GRIA4: variants seen among roughly 807,000 people sequenced by gnomAD.
The protein encoded by GRIA4 is glutamate ionotropic receptor AMPA type subunit 4, also known as glutamate receptor 4.
Under a neutral mutation model 104.0 loss-of-function variants are expected in GRIA4, and 34 were observed. That is an observed-to-expected ratio of 0.33 (90% CI 0.25 to 0.44). The LOEUF (loss-of-function observed/expected upper bound fraction) is 0.44. GRIA4 is among the 20% of genes least tolerant of loss of function. GRIA4 has a pLI of 1.00. For synonymous variants in GRIA4, 386 were observed against 381.9 expected (o/e 1.01, Z -0.13); for missense variants, 750 against 1,096.5 (o/e 0.68, Z 4.46).
intron 3 of GRIA4, among the ~76,000 whole-genome samples, chr11:105,704,682 T>A (rs935634323): frequency 6.6e-6 from 1 of 152,006 alleles, no homozygotes; most frequent in Non-Finnish European, 1.5e-5. Flanking sequence ...AACACAAAAA[T>A]TAAACATTCT....
rs369270508 is a variant in GRIA4, at chr11:105,920,775, C to G, written c.1476+1857C>G. Reference sequence around the variant, plus strand: ...ATTATATTCATATTCATTCCTCAGCCAGTCTGCAAGTGGTTAAAGACTCCA... The same window carrying G: ...ATTATATTCATATTCATTCCTCAGCGAGTCTGCAAGTGGTTAAAGACTCCA... On this transcript the variant is annotated intron_variant, in intron 11 of 16. Transcript: ENST00000282499. Among the ~76,000 whole-genome samples, 43 of 152,214 alleles carry G rather than the reference C, an allele frequency of 2.8e-4. No individual in the cohort carries two copies. In the East Asian group the frequency reaches 7.0e-3, roughly 25 times the overall value.
At chr11:105,822,793 C>A (rs1206691411) in intron 4 of GRIA4, among the ~76,000 whole-genome samples, 1 of 151,908 alleles carries the variant, frequency 6.6e-6, no homozygotes, top group Non-Finnish European at 1.5e-5. Context: ...TAATATGTCA[C>A]AAAAGTATAT....
At chr11:105,695,662 A>G (rs142826630) in intron 3 of GRIA4, among the ~76,000 whole-genome samples, 137 of 152,304 alleles carry the variant, frequency 9.0e-4, no homozygotes, top group African/African-American at 3.1e-3. Flanking sequence ...CATTTGGAGC[A>G]TAGCCTTGAA....
chr11:105,903,580 T>C (rs1946941324), intron 7 of GRIA4, among the ~76,000 whole-genome samples: 2 of 152,308 alleles, frequency 1.3e-5, no homozygotes, highest in Non-Finnish European at 1.5e-5. Context: ...GGAATTTCTA[T>C]TTTTCAGAAT....
chr11:105,704,080 A>G (rs1216825310), intron 3 of GRIA4, among the ~76,000 whole-genome samples: 2 of 152,152 alleles, frequency 1.3e-5, no homozygotes, highest in Non-Finnish European at 2.9e-5. Context: ...ATTAACATGT[A>G]TAGGCTTTCT....
intron 3 of GRIA4, among the ~76,000 whole-genome samples, chr11:105,620,112 C>T (rs955250802): frequency 6.6e-6 from 1 of 151,942 alleles, no homozygotes; most frequent in South Asian, 2.1e-4. Context: ...TCCTGGAACA[C>T]TGTGTTCTTG....
intron 3 of GRIA4, among the ~76,000 whole-genome samples, chr11:105,718,508 G>C (rs936915228): frequency 1.3e-5 from 2 of 152,178 alleles, no homozygotes; most frequent in African/African-American, 4.8e-5. Flanking sequence ...ATATTTGAGG[G>C]AGGTGGAGAA....
chr11:105,619,085 A>T (rs926392387), intron 3 of GRIA4, among the ~76,000 whole-genome samples: 1 of 151,784 alleles, frequency 6.6e-6, no homozygotes, highest in African/African-American at 2.4e-5. Context: ...AGAAAAAAAA[A>T]AAGCAACCCC....
chr11:105,834,541 G>A (rs1037139940), intron 4 of GRIA4, among the ~76,000 whole-genome samples: 1 of 151,990 alleles, frequency 6.6e-6, no homozygotes, highest in Non-Finnish European at 1.5e-5. Context: ...AACCATGCTA[G>A]CATTCTCTGT....
intron 7 of GRIA4, 33 bp downstream of exon 7, chr11:105,898,460 A>G: frequency 8.0e-7 from 1 of 1,252,312 alleles, no homozygotes; most frequent in Non-Finnish European, 1.1e-6. Flanking sequence ...TGTATTACTG[A>G]TAGTTTCAAA....
At chr11:105,939,394 T>G (rs895094657) in intron 14 of GRIA4, among the ~76,000 whole-genome samples, 1 of 152,154 alleles carries the variant, frequency 6.6e-6, no homozygotes, top group Admixed American at 6.6e-5. Flanking sequence ...GGGATCAAAT[T>G]TGACAAGATA....
At chr11:105,977,859 G>A (rs982492450) in intron 16 of GRIA4, among the ~76,000 whole-genome samples, 1 of 151,972 alleles carries the variant, frequency 6.6e-6, no homozygotes, top group African/African-American at 2.4e-5. Flanking sequence ...TTGCAGCCAT[G>A]TACACATTTT....
intron 9 of GRIA4, among the ~76,000 whole-genome samples, chr11:105,906,172 A>C (rs952720725): frequency 1.3e-5 from 2 of 152,192 alleles, no homozygotes; most frequent in Non-Finnish European, 2.9e-5. Context: ...TAAGCACTGG[A>C]CTTGGTGCTT....
rs565898349 is a variant in GRIA4, at chr11:105,797,307, C to T, written c.487+44087C>T. ...AAAAACAAGGCGTAAGCAAAGCCCG[C>T]TAACAATACAAGGGTATGGAATTAA... On this transcript the variant is annotated intron_variant, in intron 4 of 16. Coordinates refer to ENST00000282499, the MANE Select transcript of GRIA4 (RefSeq NM_000829.4). Among the ~76,000 whole-genome samples the T allele has an allele frequency of 4.6e-5, 7 of 152,226 alleles. No homozygotes were observed. The South Asian group carries it at 1.4e-3, about 32-fold the overall frequency.
chr11:105,696,522 C>T (rs1953282637), intron 3 of GRIA4, among the ~76,000 whole-genome samples: 1 of 152,026 alleles, frequency 6.6e-6, no homozygotes, highest in African/African-American at 2.4e-5. Flanking sequence ...CAGTATGTAT[C>T]AAAGTGAATG....
rs553081828 is a variant in GRIA4, at chr11:105,808,859, T to C, written c.488-53165T>C. Among the ~76,000 whole-genome samples the C allele has an allele frequency of 2.3e-3, 349 of 152,238 alleles. 4 individuals are homozygous for C. Among genetic ancestry groups the C allele is most frequent in the Non-Finnish European group, 4.3e-3 (295 of 68,000 alleles). On this transcript the variant is annotated intron_variant, in intron 4 of 16. Coordinates refer to ENST00000282499, the MANE Select transcript of GRIA4 (RefSeq NM_000829.4). The stretch of plus-strand genomic sequence containing the variant: ...AAGATCTACAGCTAAATTCCTAACA[T>C]GACGGCAAGTGTAGAATTTAATGAA...
intron 3 of GRIA4, among the ~76,000 whole-genome samples, chr11:105,655,218 C>A (rs147599637): frequency 6.6e-6 from 1 of 151,990 alleles, no homozygotes; most frequent in Non-Finnish European, 1.5e-5. Context: ...TAGTGTGATT[C>A]GAATATAACA....
intron 5 of GRIA4, among the ~76,000 whole-genome samples, chr11:105,877,726 C>T (rs1341682411): frequency 2.6e-5 from 4 of 152,086 alleles, no homozygotes; most frequent in Admixed American, 2.0e-4. Flanking sequence ...GTACGCTTCA[C>T]GAAGTTCTCA....
intron 6 of GRIA4, among the ~76,000 whole-genome samples, chr11:105,893,728 C>T (rs1031711904): frequency 1.3e-5 from 2 of 152,284 alleles, no homozygotes; most frequent in African/African-American, 4.8e-5. Context: ...CCTTCTATTT[C>T]AGCCATGTTT....
Sources: allele counts gnomAD v4.1 joint callset (sites outside exome capture counted in the v4.1 genomes callset), GRCh38; gene constraint gnomAD v4.1.1; transcripts MANE v1.5; gene names NCBI Gene and HGNC (gene_info 2026-07-23, HGNC 2026-07-21).